Variants in MAD1L1 observed in about 807,000 individuals in gnomAD.
MAD1L1 encodes the protein mitotic arrest deficient 1 like 1, also known as mitotic spindle assembly checkpoint protein MAD1.
Under a neutral mutation model 96.9 loss-of-function variants are expected in MAD1L1, and 95 were observed. That is an observed-to-expected ratio of 0.98 (90% CI 0.83 to 1.16). MAD1L1 has a LOEUF of 1.16. MAD1L1 is among the 50% of genes most tolerant of loss of function. MAD1L1 has a pLI of 0.00. For synonymous variants in MAD1L1, 473 were observed against 396.6 expected (o/e 1.19, Z -2.29); for missense variants, 1,007 against 954.4 (o/e 1.06, Z -0.73).
intron 15 of MAD1L1, among the ~76,000 whole-genome samples, chr7:1,958,280 C>T (rs930351742): frequency 2.0e-5 from 3 of 152,182 alleles, no homozygotes; most frequent in Non-Finnish European, 2.9e-5. Flanking sequence ...GAATAGAATA[C>T]AAAACAAACC....
intron 10 of MAD1L1, among the ~76,000 whole-genome samples, chr7:2,152,011 G>A (rs1351300014): frequency 7.2e-6 from 1 of 138,522 alleles, no homozygotes; most frequent in Admixed American, 7.1e-5. Flanking sequence ...CTCTGCAGGA[G>A]GCTGCTTCCG....
chr7:1,861,174 C>T (rs1443454463), intron 18 of MAD1L1, among the ~76,000 whole-genome samples: 13 of 152,112 alleles, frequency 8.5e-5, no homozygotes, highest in Admixed American at 8.5e-4. Context: ...GGCTGGTGAC[C>T]CCCCGGGGCT....
At chr7:2,140,844 T>A (rs1788992539) in intron 11 of MAD1L1, among the ~76,000 whole-genome samples, 1 of 152,228 alleles carries the variant, frequency 6.6e-6, no homozygotes, top group Non-Finnish European at 1.5e-5. Context: ...GCATTTGGGA[T>A]GAAATTTTTT....
Position 1,826,433 on chromosome 7 carries a change from C to G in MAD1L1, c.1999-10205G>C, listed in dbSNP as rs28374887. Among the ~76,000 whole-genome samples the G allele has an allele frequency of 2.8e-3, 423 of 152,326 alleles. 1 individual carries two copies. Among genetic ancestry groups the G allele is most frequent in the African/African-American group, 9.6e-3 (399 of 41,578 alleles). On this transcript the variant is annotated intron_variant, in intron 18 of 18. Coordinates refer to ENST00000265854, the MANE Select transcript of MAD1L1 (RefSeq NM_001013836.2). Reference sequence around the variant, plus strand: ...CTCACTCCCTCATGGATGCCCATGGCCGGCCCAGCCCCACCCTGCACAAGC... The same window carrying G: ...CTCACTCCCTCATGGATGCCCATGGGCGGCCCAGCCCCACCCTGCACAAGC...
At chr7:1,888,347 CATGTGT>C (rs1786286842) in intron 18 of MAD1L1, among the ~76,000 whole-genome samples, 1 of 134,054 alleles carries the variant, frequency 7.5e-6, no homozygotes, top group South Asian at 2.6e-4. Context: ...GCTGCCTGTG[CATGTGT>C]GTGCATGCAT....
At chr7:1,868,956 G>T (rs1358403155) in intron 18 of MAD1L1, among the ~76,000 whole-genome samples, 1 of 152,220 alleles carries the variant, frequency 6.6e-6, no homozygotes, top group Non-Finnish European at 1.5e-5. Context: ...CAGAAAGCTA[G>T]CCCGGCACAG....
intron 10 of MAD1L1, among the ~76,000 whole-genome samples, chr7:2,182,684 G>T (rs1791258851): frequency 6.6e-6 from 1 of 152,184 alleles, no homozygotes; most frequent in Non-Finnish European, 1.5e-5. Context: ...TTGAGAACGT[G>T]CTGAGAGGAA....
At chr7:2,085,889 G>A (rs973970322) in intron 11 of MAD1L1, among the ~76,000 whole-genome samples, 3 of 152,224 alleles carry the variant, frequency 2.0e-5, no homozygotes, top group African/African-American at 4.8e-5. Flanking sequence ...CCCACTGGAC[G>A]CTCACGGCAG....
Position 2,218,049 on chromosome 7 carries a change from G to A in MAD1L1, c.597-6C>T. 1 of 1,611,362 alleles carries A rather than the reference G, an allele frequency of 6.2e-7. No homozygotes were observed. Among genetic ancestry groups the A allele is most frequent in the Non-Finnish European group, 8.5e-7 (1 of 1,177,538 alleles). Reference sequence around the variant, plus strand: ...GATTGGCTTCCTGGCATTTTCTATTGAAAGAAAAATACATCACACACAGAA... The same window carrying A: ...GATTGGCTTCCTGGCATTTTCTATTAAAAGAAAAATACATCACACACAGAA... On this transcript the variant is annotated splice_region_variant and splice_polypyrimidine_tract_variant and intron_variant, in intron 6 of 18. Coordinates refer to ENST00000265854, the MANE Select transcript of MAD1L1 (RefSeq NM_001013836.2).
At chr7:1,925,988 A>C (rs913211619) in intron 17 of MAD1L1, among the ~76,000 whole-genome samples, 1 of 152,306 alleles carries the variant, frequency 6.6e-6, no homozygotes, top group African/African-American at 2.4e-5. Flanking sequence ...AGATCAGTGA[A>C]ATTTATACAT....
intron 15 of MAD1L1, among the ~76,000 whole-genome samples, chr7:1,971,259 G>A (rs1375020460): frequency 4.6e-5 from 7 of 152,220 alleles, no homozygotes; most frequent in Admixed American, 1.3e-4. Context: ...GGCTGTTGCC[G>A]TCACCAGTAA....
intron 17 of MAD1L1, among the ~76,000 whole-genome samples, chr7:1,914,869 C>T (rs1280080610): frequency 6.6e-6 from 1 of 152,248 alleles, no homozygotes; most frequent in Non-Finnish European, 1.5e-5. Flanking sequence ...GTACCTGGGC[C>T]TCCCAAAGCG....
chr7:2,040,320 C>A (rs568141213), intron 12 of MAD1L1, among the ~76,000 whole-genome samples: 1 of 152,344 alleles, frequency 6.6e-6, no homozygotes, highest in African/African-American at 2.4e-5. Context: ...CGGACCCTCC[C>A]AGATCCCCAC....
intron 12 of MAD1L1, among the ~76,000 whole-genome samples, chr7:2,047,955 C>T (rs951991393): frequency 3.3e-5 from 5 of 152,356 alleles, no homozygotes; most frequent in South Asian, 2.1e-4. Context: ...ACAAAGCACA[C>T]GTGCACACTC....
chr7:2,159,224 G>T (rs552428338), intron 10 of MAD1L1, among the ~76,000 whole-genome samples: 6 of 152,266 alleles, frequency 3.9e-5, no homozygotes, highest in African/African-American at 1.4e-4. Context: ...TTCCTACGGG[G>T]ATGTGGGTCC....
chr7:2,016,649 C>T (rs920069702), intron 12 of MAD1L1, among the ~76,000 whole-genome samples: 1 of 149,062 alleles, frequency 6.7e-6, no homozygotes, highest in Non-Finnish European at 1.5e-5. Flanking sequence ...CTCAGAAGAC[C>T]CTGGAGCTCA....
chr7:2,136,520 C>T (rs896596356), intron 11 of MAD1L1, among the ~76,000 whole-genome samples: 1 of 152,222 alleles, frequency 6.6e-6, no homozygotes, highest in African/African-American at 2.4e-5. Flanking sequence ...GAGACCCTCC[C>T]AGGTCTATGG....
chr7:1,974,528 G>A lies in MAD1L1; in HGVS notation c.1505+5925C>T, dbSNP rs148105424. Among the ~76,000 whole-genome samples, 527 of 152,276 alleles carry A rather than the reference G, an allele frequency of 3.5e-3. 3 individuals carry two copies. Among genetic ancestry groups the A allele is most frequent in the Middle Eastern group, 0.014 (4 of 294 alleles). On this transcript the variant is annotated intron_variant, in intron 15 of 18. Coordinates refer to ENST00000265854, the MANE Select transcript of MAD1L1 (RefSeq NM_001013836.2). ...AAAGAATCCTCAGAGAACAGAAACAGACTCTCAGGAAACGAAGAGTATAGC... is the reference window on the plus strand; with the variant it reads ...AAAGAATCCTCAGAGAACAGAAACAAACTCTCAGGAAACGAAGAGTATAGC...
chr7:2,006,575 C>T (rs1211838356), intron 13 of MAD1L1, among the ~76,000 whole-genome samples: 1 of 151,360 alleles, frequency 6.6e-6, no homozygotes, highest in Non-Finnish European at 1.5e-5. Context: ...ATCACTAAAC[C>T]CGCACGGCCC....
Sources: gnomAD v4.1 joint callset for allele counts (sites outside exome capture counted in the v4.1 genomes callset) on GRCh38, gnomAD v4.1.1 for gene constraint, MANE v1.5 for transcripts, NCBI Gene and HGNC (gene_info 2026-07-23, HGNC 2026-07-21) for gene names.